The following C12orf42 variants were observed in gnomAD, a reference collection of about 807,000 sequenced individuals.
C12orf42 encodes the protein chromosome 12 open reading frame 42, also known as uncharacterized protein C12orf42.
C12orf42 carries 25 observed loss-of-function variants against 21.6 expected under a neutral mutation model. That is an observed-to-expected ratio of 1.16 (90% CI 0.84 to 1.62). The LOEUF is 1.62. Among genes scored for constraint, C12orf42 ranks in the 40% most tolerant of loss-of-function variants. The pLI, the probability that C12orf42 is intolerant of heterozygous loss-of-function variation, is 0.00. For missense variants in C12orf42, 483 were observed against 459.3 expected (o/e 1.05, Z -0.47); for synonymous variants, 174 against 175.0 (o/e 0.99, Z 0.05).
intron 10 of C12orf42, among the ~76,000 whole-genome samples, chr12:103,254,493 T>C (rs2034457764): frequency 6.6e-6 from 1 of 152,292 alleles, no homozygotes. Flanking sequence ...CAAAACAGCA[T>C]AGTGCTGGTA....
At chr12:103,369,791 G>A (rs1380555759) in intron 3 of C12orf42, among the ~76,000 whole-genome samples, 1 of 151,940 alleles carries the variant, frequency 6.6e-6, no homozygotes, top group Non-Finnish European at 1.5e-5. Flanking sequence ...AGATAACCTA[G>A]GCAATAGCAT....
chr12:103,164,840 T>C, the C12orf42 span: 10 of 410,758 alleles, frequency 2.4e-5, no homozygotes, highest in Non-Finnish European at 4.9e-6. Flanking sequence ...AGGCAACCCA[T>C]GTGTATCAGT....
chr12:103,335,777 G>A (rs1408200518), intron 4 of C12orf42, among the ~76,000 whole-genome samples: 1 of 152,162 alleles, frequency 6.6e-6, no homozygotes, highest in Admixed American at 6.5e-5. Context: ...ATTTGTGGCT[G>A]AAAAAGAAAT....
At chr12:103,463,162 T>C (rs1222514096) in intron 2 of C12orf42, among the ~76,000 whole-genome samples, 3 of 152,228 alleles carry the variant, frequency 2.0e-5, no homozygotes, top group Admixed American at 1.3e-4. Context: ...TAGTAACTCG[T>C]AGCTATTGGA....
the C12orf42 span, among the ~76,000 whole-genome samples, chr12:103,204,833 C>A: frequency 1.3e-5 from 2 of 150,622 alleles, no homozygotes; most frequent in South Asian, 4.3e-4. Context: ...GAAAAGGCAG[C>A]CATAAAGTAG....
At chr12:103,523,566 T>C in the C12orf42 span, among the ~76,000 whole-genome samples, 1 of 151,306 alleles carries the variant, frequency 6.6e-6, no homozygotes, top group Non-Finnish European at 1.5e-5. Context: ...TATGTATATA[T>C]AGTGTTCATG....
chr12:103,551,368 A>G, the C12orf42 span, among the ~76,000 whole-genome samples: 2 of 152,164 alleles, frequency 1.3e-5, no homozygotes, highest in African/African-American at 4.8e-5. Flanking sequence ...TAATAATAAT[A>G]TGGTTGAGCA....
rs773218203 is a variant in C12orf42 at position 103,369,009 on chromosome 12, G to A, written c.148-11C>T. Reference sequence around the variant, plus strand: ...ATAACAAGGGATGTGCTGTAAGATAGAGGAGAAAAATACACACAAAAAAAT... The same window carrying A: ...ATAACAAGGGATGTGCTGTAAGATAAAGGAGAAAAATACACACAAAAAAAT... On this transcript the variant is annotated splice_polypyrimidine_tract_variant and intron_variant, in intron 3 of 5. Coordinates refer to ENST00000548883, the MANE Select transcript of C12orf42 (RefSeq NM_198521.5). 7 of 1,495,388 alleles carry A rather than the reference G, an allele frequency of 4.7e-6. No homozygotes were observed. In the African/African-American group the frequency reaches 9.7e-5, roughly 21 times the overall value. 92.6% of individuals were successfully genotyped at this position (1,495,388 alleles called of 1,614,324 possible). A position where few individuals can be genotyped will look rare whatever the true frequency, so the allele number is the denominator to read the frequency against.
intron 4 of C12orf42, among the ~76,000 whole-genome samples, chr12:103,347,454 T>C (rs575293208): frequency 5.0e-4 from 76 of 152,320 alleles, no homozygotes; most frequent in Non-Finnish European, 9.3e-4. Flanking sequence ...CAGTCTATCA[T>C]TGATGGACAT....
chr12:103,201,627 C>T, the C12orf42 span, among the ~76,000 whole-genome samples: 1 of 152,168 alleles, frequency 6.6e-6, no homozygotes, highest in African/African-American at 2.4e-5. Flanking sequence ...AGCAACTCCT[C>T]ACGTAGTTGT....
At chr12:103,074,082 T>C in the C12orf42 span, among the ~76,000 whole-genome samples, 4 of 152,116 alleles carry the variant, frequency 2.6e-5, no homozygotes, top group East Asian at 7.7e-4. Flanking sequence ...TAAATGGGCT[T>C]CTCTACAGAC....
chr12:103,047,857 G>A, the C12orf42 span, among the ~76,000 whole-genome samples: 1 of 152,156 alleles, frequency 6.6e-6, no homozygotes. Flanking sequence ...TGGCAGCAGG[G>A]CAGGATTCCT....
At chr12:103,146,606 A>AAGAAAG in the C12orf42 span, among the ~76,000 whole-genome samples, 1 of 151,460 alleles carries the variant, frequency 6.6e-6, no homozygotes, top group Admixed American at 6.6e-5. Flanking sequence ...GAAAGAAAGA[A>AAGAAAG]AGAAAAAGAA....
intron 2 of C12orf42, among the ~76,000 whole-genome samples, chr12:103,476,066 C>T (rs926389173): frequency 6.6e-6 from 1 of 152,088 alleles, no homozygotes; most frequent in Non-Finnish European, 1.5e-5. Context: ...TGTGCATTTC[C>T]TTGCTGTGTG....
chr12:103,279,732 T>A (rs1416553252), intron 4 of C12orf42, among the ~76,000 whole-genome samples: 1 of 152,222 alleles, frequency 6.6e-6, no homozygotes, highest in Admixed American at 6.5e-5. Context: ...GCTTGAAATG[T>A]TAAAGCTGAT....
intron 2 of C12orf42, among the ~76,000 whole-genome samples, chr12:103,405,554 C>G (rs1015624995): frequency 3.3e-5 from 5 of 152,162 alleles, no homozygotes; most frequent in Admixed American, 2.6e-4. Context: ...CTCTTTCCAT[C>G]TGACAAATAC....
the C12orf42 span, among the ~76,000 whole-genome samples, chr12:103,199,650 G>A: frequency 6.6e-6 from 1 of 152,064 alleles, no homozygotes. Flanking sequence ...AATAGGCAAA[G>A]AAACCATTAA....
the C12orf42 span, among the ~76,000 whole-genome samples, chr12:103,525,656 G>C: frequency 0.016 from 2,475 of 152,152 alleles, 68 homozygotes; most frequent in African/African-American, 0.054. Flanking sequence ...AATTAAAGTA[G>C]TATTATTACA....
the C12orf42 span, among the ~76,000 whole-genome samples, chr12:103,083,225 A>G: frequency 1.3e-5 from 2 of 152,102 alleles, no homozygotes; most frequent in Non-Finnish European, 2.9e-5. Flanking sequence ...TTAGCCAGAC[A>G]TGATGGTGGG....
Sources: allele counts gnomAD v4.1 joint callset (sites outside exome capture counted in the v4.1 genomes callset), GRCh38; gene constraint gnomAD v4.1.1; transcripts MANE v1.5; gene names NCBI Gene and HGNC (gene_info 2026-07-23, HGNC 2026-07-21).